LONRF1: variants seen among roughly 807,000 people sequenced by gnomAD.
The protein encoded by LONRF1 is LON peptidase N-terminal domain and RING finger protein 1.
In LONRF1, 37 loss-of-function variants were observed where a neutral mutation model predicts 85.8. The observed-to-expected ratio is 0.43, with a 90% CI of 0.33 to 0.57. The LOEUF is 0.57. Ranked by LOEUF, LONRF1 falls within the 20% of genes least tolerant of loss-of-function variation. The probability of loss-of-function intolerance (pLI) is 0.04; values close to 1 mark genes in which losing one functional copy is unlikely to be tolerated. For synonymous variants in LONRF1, 517 were observed against 390.1 expected (o/e 1.33, Z -3.83); for missense variants, 1,036 against 978.0 (o/e 1.06, Z -0.79).
At chr8:12,747,032 C>T (rs975511479) in intron 1 of LONRF1, among the ~76,000 whole-genome samples, 1 of 152,176 alleles carries the variant, frequency 6.6e-6, no homozygotes, top group South Asian at 2.1e-4. Flanking sequence ...GAACTCCCTC[C>T]GTTATTTCCT....
At chr8:12,752,832 A>G (rs575643194) in intron 1 of LONRF1, among the ~76,000 whole-genome samples, 38 of 152,348 alleles carry the variant, frequency 2.5e-4, no homozygotes, top group African/African-American at 8.7e-4. Flanking sequence ...AGTACTGTCC[A>G]TAAGGTTCAG....
intron 3 of LONRF1, chr8:12,738,673 G>T (rs1204452210): frequency 6.6e-6 from 1 of 152,176 alleles, no homozygotes; most frequent in East Asian, 1.9e-4. Flanking sequence ...TTGGTTAGAA[G>T]CACCCCATGG....
rs1472757938 is a variant in LONRF1 at position 12,741,572 on chromosome 8, A to G, written c.841-576T>C. 7.9e-5 allele frequency among the ~76,000 whole-genome samples: 12 copies of G among 152,138 alleles called. 1 individual carries two copies. Among genetic ancestry groups the G allele is most frequent in the Non-Finnish European group, 1.6e-4 (11 of 68,022 alleles). ...AGGATCAGAAATACCATGTCCCCAC[A>G]ATTTAAGGAAATTACTGATTTAAAT... On this transcript the variant is annotated intron_variant, in intron 2 of 11. Coordinates refer to ENST00000398246, the MANE Select transcript of LONRF1 (RefSeq NM_152271.5).
In LONRF1 at chr8:12,755,395, G is replaced by T. The variant is rs1799603623; in HGVS notation, c.26C>A (p.Thr9Asn). Residue 9 changes from threonine (T) to asparagine (N), a missense_variant, in exon 1 of 12, where the codon ACC becomes AAC. Around this residue, in one of 3 missense-constraint regions of LONRF1, gnomAD observed 742 missense variants for 614.4 expected, o/e 1.21. Transcript: ENST00000398246. Reference sequence around the variant, plus strand: ...CATCTCCCGACTCCCTCCTGGGGAGGTCCTCGCCACCGCCGGAGAGGACAT... The same window carrying T: ...CATCTCCCGACTCCCTCCTGGGGAGTTCCTCGCCACCGCCGGAGAGGACAT... MSSPAVARTSPGGSREMAP... is the reference protein window; with the variant it reads MSSPAVARNSPGGSREMAP... 4 of 1,172,322 alleles carry T rather than the reference G, an allele frequency of 3.4e-6. No homozygotes were observed. Among genetic ancestry groups the T allele is most frequent in the Non-Finnish European group, 3.2e-6 (3 of 949,732 alleles). 72.6% of individuals were successfully genotyped at this position (1,172,322 alleles called of 1,614,324 possible).
At chr8:12,731,131 GC>G (rs1412160501) in intron 8 of LONRF1, among the ~76,000 whole-genome samples, 1 of 152,108 alleles carries the variant, frequency 6.6e-6, no homozygotes, top group Non-Finnish European at 1.5e-5. Flanking sequence ...GCCTGGCCCT[GC>G]CTACCCAGCT....
At chr8:12,724,112 G>A (rs903985364) in intron 11 of LONRF1, among the ~76,000 whole-genome samples, 28 of 152,248 alleles carry the variant, frequency 1.8e-4, no homozygotes, top group African/African-American at 6.5e-4. Context: ...TGTATTGTCC[G>A]CTGTCAACTA....
At chr8:12,737,871 A>G (rs2117279119) in intron 4 of LONRF1, 124 bp downstream of exon 4, 2 of 942,150 alleles carry the variant, frequency 2.1e-6, no homozygotes, top group Non-Finnish European at 3.1e-6. Context: ...AAATTCTACT[A>G]TGATAACTAA....
intron 1 of LONRF1, among the ~76,000 whole-genome samples, chr8:12,751,969 A>G (rs899080628): frequency 6.6e-6 from 1 of 152,210 alleles, no homozygotes; most frequent in African/African-American, 2.4e-5. Context: ...TTATCTAAAT[A>G]TATTTCAATT....
intron 7 of LONRF1, among the ~76,000 whole-genome samples, chr8:12,733,603 T>A (rs912344979): frequency 7.2e-5 from 11 of 152,130 alleles, no homozygotes; most frequent in African/African-American, 2.7e-4. Context: ...ATATCTGTCA[T>A]AATATCTTCG....
Position 12,740,143 on chromosome 8 carries a change from C to T in LONRF1, c.963+731G>A, listed in dbSNP as rs142590157. ...CACTCTAAGAAACACTGATAAATAA[C>T]GTGGCATGTTTTGAGTATGTGCAGG... On this transcript the variant is annotated intron_variant, in intron 3 of 11. Transcript: ENST00000398246. Among the ~76,000 whole-genome samples, 5 of 152,248 alleles carry T rather than the reference C, an allele frequency of 3.3e-5. No individual in the cohort carries two copies. In the East Asian group the frequency reaches 5.8e-4, roughly 18 times the overall value.
intron 2 of LONRF1, 21 bp from the exon 3 acceptor site, chr8:12,741,017 T>A: frequency 6.2e-7 from 1 of 1,609,612 alleles, no homozygotes; most frequent in Non-Finnish European, 8.5e-7. Context: ...AGCAGATATA[T>A]AAAACCTTTG....
chr8:12,740,813 T>A, intron 3 of LONRF1, 61 bp downstream of exon 3: 1 of 1,552,128 alleles, frequency 6.4e-7, no homozygotes, highest in Non-Finnish European at 8.7e-7. Context: ...TTAGCTTTTT[T>A]TTTTAAACCT....
chr8:12,741,010 A>C lies in LONRF1; in HGVS notation c.841-14T>G. 1 of 1,610,344 alleles carries C rather than the reference A, an allele frequency of 6.2e-7. No individual in the cohort carries two copies. The highest frequency in any genetic ancestry group is 8.5e-7 in the Non-Finnish European group (1 of 1,178,472). On this transcript the variant is annotated splice_polypyrimidine_tract_variant and intron_variant, in intron 2 of 11. Coordinates refer to ENST00000398246, the MANE Select transcript of LONRF1 (RefSeq NM_152271.5). ...CCTGAAGTAGACCTTTAATAAAAGCAGATATATAAAACCTTTGTGTTAAGA... is the reference window on the plus strand; with the variant it reads ...CCTGAAGTAGACCTTTAATAAAAGCCGATATATAAAACCTTTGTGTTAAGA...
chr8:12,726,817 C>G (rs1319986983), intron 10 of LONRF1, among the ~76,000 whole-genome samples: 4 of 152,100 alleles, frequency 2.6e-5, no homozygotes, highest in African/African-American at 9.7e-5. Flanking sequence ...AATAAGACTA[C>G]AGCACACCAG....
At chr8:12,728,869 A>G (rs904142011) in intron 10 of LONRF1, 32 bp downstream of exon 10, 20 of 1,612,726 alleles carry the variant, frequency 1.2e-5, no homozygotes, top group Non-Finnish European at 1.7e-5. Context: ...AGGATATACG[A>G]AAGTATGCTG....
At chr8:12,754,580 G>C (rs1416748583) in intron 1 of LONRF1, 120 bp downstream of exon 1, 2 of 1,128,458 alleles carry the variant, frequency 1.8e-6, no homozygotes, top group Non-Finnish European at 2.2e-6. Context: ...ACACGCCAGC[G>C]GCCCAGCGGC....
At chr8:12,745,590 AGGACACTACAGAC>A (rs1158083595) in intron 1 of LONRF1, among the ~76,000 whole-genome samples, 3 of 152,358 alleles carry the variant, frequency 2.0e-5, no homozygotes, top group Non-Finnish European at 4.4e-5. Flanking sequence ...CGTGACCTTG[AGGACACTACAGAC>A]GAGTCACCTC....
intron 2 of LONRF1, among the ~76,000 whole-genome samples, chr8:12,742,560 A>G (rs1798978406): frequency 6.6e-6 from 1 of 152,208 alleles, no homozygotes; most frequent in African/African-American, 2.4e-5. Context: ...AATCTCATTC[A>G]ATGAAGTCCA....
At chr8:12,735,811 T>C (rs1798696027) in intron 6 of LONRF1, among the ~76,000 whole-genome samples, 1 of 152,234 alleles carries the variant, frequency 6.6e-6, no homozygotes, top group African/African-American at 2.4e-5. Context: ...GTATAGCCTT[T>C]AGATTCCCAT....
Sources: gnomAD v4.1 joint callset for allele counts (sites outside exome capture counted in the v4.1 genomes callset) on GRCh38, gnomAD v4.1.1 for gene constraint, gnomAD v4.1.1 regional missense constraint, MANE v1.5 for transcripts, NCBI Gene and HGNC (gene_info 2026-07-23, HGNC 2026-07-21) for gene names.